NDST4: variants seen among roughly 807,000 people sequenced by gnomAD.
NDST4 encodes N-deacetylase and N-sulfotransferase 4, also known as N-heparan sulfate sulfotransferase 4.
In NDST4, 63 loss-of-function variants were observed where a neutral mutation model predicts 100.8. That is an observed-to-expected ratio of 0.62 (90% confidence interval 0.51 to 0.77). NDST4 has a LOEUF of 0.77. Ranked by LOEUF, NDST4 falls within the 30% of genes least tolerant of loss-of-function variation. The pLI is 0.00. For synonymous variants in NDST4, 377 were observed against 361.8 expected, an observed-to-expected ratio of 1.04 and a Z score of -0.48; for missense variants, 943 against 1,018.4, an observed-to-expected ratio of 0.93 and a Z score of 1.01.
Position 115,076,763 on chromosome 4 carries a change from C to G in NDST4, c.274G>C (p.Gly92Arg), listed in dbSNP as rs1166404014. The change falls in exon 2 of 14, where the codon GGT becomes CGT. Residue 92 changes from glycine (G) to arginine (R), a missense_variant. Around this residue, in one of 2 missense-constraint regions of NDST4, gnomAD observed 417 missense variants for 384.2 expected, o/e 1.09. Transcript: ENST00000264363. ...LFVESQYSQLGQDIIAILESS... is the reference protein window; with the variant it reads ...LFVESQYSQLRQDIIAILESS... ...TCCAAAATAGCTATGATATCTTGACCGAGTTGAGAGTATTGGCTCTCCACG... is the reference window on the plus strand; with the variant it reads ...TCCAAAATAGCTATGATATCTTGACGGAGTTGAGAGTATTGGCTCTCCACG... 6.2e-7 allele frequency: 1 copy of G among 1,613,794 alleles called. No individual in the cohort carries two copies. Among genetic ancestry groups the G allele is most frequent in the Non-Finnish European group, 8.5e-7 (1 of 1,179,938 alleles).
intron 2 of NDST4, among the ~76,000 whole-genome samples, chr4:115,014,552 T>C (rs892218130): frequency 6.6e-6 from 1 of 152,072 alleles, no homozygotes; most frequent in Admixed American, 6.6e-5. Context: ...GAAAATCTAC[T>C]GGTTTTGAGA....
intron 2 of NDST4, among the ~76,000 whole-genome samples, chr4:115,025,015 C>T (rs769754895): frequency 3.4e-4 from 52 of 152,134 alleles, no homozygotes; most frequent in Non-Finnish European, 6.6e-4. Context: ...GTGGGTGACA[C>T]GGCACAAAGG....
At position 114,881,454 on chromosome 4, in the gene NDST4, G is replaced by C. The variant is rs114927339; in HGVS notation, c.1537-10504C>G. Reference sequence around the variant, plus strand: ...TCACCTAAATAGAGAACAATAAAGGGATGAATGAAACACAAGACTGAGAGG... The same window carrying C: ...TCACCTAAATAGAGAACAATAAAGGCATGAATGAAACACAAGACTGAGAGG... On this transcript the variant is annotated intron_variant, in intron 6 of 13. Transcript: ENST00000264363. Among the ~76,000 whole-genome samples, 3 of 152,020 alleles carry C rather than the reference G, an allele frequency of 2.0e-5. No individual in the cohort carries two copies. The South Asian group carries it at 6.2e-4, about 31-fold the overall frequency.
intron 2 of NDST4, among the ~76,000 whole-genome samples, chr4:115,022,559 A>C (rs1727881765): frequency 6.7e-6 from 1 of 149,452 alleles, no homozygotes; most frequent in Non-Finnish European, 1.5e-5. Context: ...AAATGAATGA[A>C]TTAATGGCAT....
chr4:114,915,409 T>C (rs1040159718), intron 6 of NDST4, among the ~76,000 whole-genome samples: 4 of 152,184 alleles, frequency 2.6e-5, no homozygotes, highest in Non-Finnish European at 5.9e-5. Flanking sequence ...AAATTAGAAG[T>C]TAAGATAAAT....
At chr4:114,939,371 T>C (rs1725699306) in intron 4 of NDST4, among the ~76,000 whole-genome samples, 1 of 152,312 alleles carries the variant, frequency 6.6e-6, no homozygotes, top group South Asian at 2.1e-4. Context: ...TCCTCCTTTT[T>C]ACTCTCTCAA....
chr4:114,903,489 T>G (rs58490717), intron 6 of NDST4, among the ~76,000 whole-genome samples: 7,685 of 152,018 alleles, frequency 0.051, 653 homozygotes, highest in African/African-American at 0.18. Flanking sequence ...TACAGTTCAG[T>G]TTTTCCTACC....
chr4:114,870,682 G>A (rs1197984012), intron 7 of NDST4, 86 bp downstream of exon 7: 8 of 1,148,134 alleles, frequency 7.0e-6, no homozygotes, highest in Non-Finnish European at 8.5e-6. Context: ...GTTTTAATAT[G>A]TCCAGCAGAG....
intron 9 of NDST4, among the ~76,000 whole-genome samples, chr4:114,847,200 C>T (rs1416991098): frequency 3.0e-5 from 4 of 134,680 alleles, no homozygotes; most frequent in Non-Finnish European, 5.9e-5. Flanking sequence ...AACGGTGAAA[C>T]CCCGTCTCTA....
intron 6 of NDST4, among the ~76,000 whole-genome samples, chr4:114,906,090 T>C (rs190441572): frequency 1.3e-5 from 2 of 152,032 alleles, no homozygotes; most frequent in Admixed American, 6.6e-5. Context: ...TTGGGATCAA[T>C]TTTTCTATGA....
At chr4:115,006,224 A>G (rs1727414386) in intron 2 of NDST4, among the ~76,000 whole-genome samples, 4 of 152,120 alleles carry the variant, frequency 2.6e-5, no homozygotes, top group African/African-American at 7.2e-5. Flanking sequence ...GAGTTGATTA[A>G]GAACAGGAGA....
At chr4:115,075,927 C>T (rs1166721530) in intron 2 of NDST4, 132 bp downstream of exon 2, 4 of 1,080,310 alleles carry the variant, frequency 3.7e-6, no homozygotes, top group Non-Finnish European at 5.2e-6. Context: ...CAATATTTTT[C>T]TAAATGGCTA....
At chr4:115,070,998 G>A (rs529320) in intron 2 of NDST4, among the ~76,000 whole-genome samples, 2,173 of 151,926 alleles carry the variant, frequency 0.014, 61 homozygotes, top group African/African-American at 0.047. Context: ...CCAGCTACTC[G>A]GGAGGCTGAG....
intron 6 of NDST4, among the ~76,000 whole-genome samples, chr4:114,878,714 G>A (rs11935037): frequency 1.2e-3 from 182 of 152,096 alleles, no homozygotes; most frequent in African/African-American, 4.3e-3. Context: ...CAAATGAGTC[G>A]AGGTATGCCA....
At chr4:114,993,253 C>T (rs1727079812) in intron 2 of NDST4, among the ~76,000 whole-genome samples, 1 of 151,856 alleles carries the variant, frequency 6.6e-6, no homozygotes, top group African/African-American at 2.4e-5. Flanking sequence ...GTGTGCACTA[C>T]TAAAGTGGAT....
chr4:114,945,751 G>C (rs1322124598), intron 4 of NDST4, among the ~76,000 whole-genome samples: 1 of 152,044 alleles, frequency 6.6e-6, no homozygotes, highest in Non-Finnish European at 1.5e-5. Context: ...GTAAGGACTT[G>C]GATTCATATT....
chr4:115,076,722 C>T lies in NDST4; in HGVS notation c.315G>A (p.Gln105=). The change falls in exon 2 of 14, where the codon CAG becomes CAA. Residue 105 remains glutamine, a synonymous_variant. Transcript: ENST00000264363. ...TTCCAGGGGCAATAACCATGTGGTACTGAAATCGGCTGGACTCCAAAATAG... is the reference window on the plus strand; with the variant it reads ...TTCCAGGGGCAATAACCATGTGGTATTGAAATCGGCTGGACTCCAAAATAG... The part of the protein sequence containing the change: ...IIAILESSRF[Q]YHMVIAPGKG... 1.2e-6 allele frequency: 2 copies of T among 1,613,900 alleles called. No individual in the cohort carries two copies. Among genetic ancestry groups the T allele is most frequent in the Non-Finnish European group, 1.7e-6 (2 of 1,179,918 alleles).
At chr4:114,878,966 T>A (rs766759588) in intron 6 of NDST4, among the ~76,000 whole-genome samples, 2 of 152,038 alleles carry the variant, frequency 1.3e-5, no homozygotes, top group African/African-American at 2.4e-5. Context: ...TATACCAGAG[T>A]GAAAATGACT....
At chr4:114,956,652 C>T (rs1280602777) in intron 4 of NDST4, among the ~76,000 whole-genome samples, 1 of 152,104 alleles carries the variant, frequency 6.6e-6, no homozygotes, top group Non-Finnish European at 1.5e-5. Flanking sequence ...TTAACAAAAA[C>T]ATCAGGAAAG....
Sources: allele counts gnomAD v4.1 joint callset (sites outside exome capture counted in the v4.1 genomes callset), GRCh38; gene constraint gnomAD v4.1.1; regional missense constraint gnomAD v4.1.1; transcripts MANE v1.5; gene names NCBI Gene and HGNC (gene_info 2026-07-23, HGNC 2026-07-21).